The following CDIN1 variants were observed in gnomAD, a reference collection of about 807,000 sequenced individuals.
CDIN1 encodes CDAN1 interacting nuclease 1.
Under a neutral mutation model 45.3 loss-of-function variants are expected in CDIN1, and 33 were observed. The ratio of observed to expected loss-of-function variants is 0.73; its 90% CI spans 0.55 to 0.97. The LOEUF (loss-of-function observed/expected upper bound fraction) is 0.97. CDIN1 is among the 50% of genes least tolerant of loss of function. CDIN1 has a pLI of 0.00. For synonymous variants in CDIN1, 118 were observed against 124.4 expected (o/e 0.95, Z 0.34); for missense variants, 303 against 339.4 (o/e 0.89, Z 0.84).
At chr15:36,731,434 A>T (rs937888431) in intron 10 of CDIN1, among the ~76,000 whole-genome samples, 3 of 151,934 alleles carry the variant, frequency 2.0e-5, no homozygotes, top group Non-Finnish European at 2.9e-5. Context: ...CATATTTAAG[A>T]TTTTCAAAAA....
At chr15:36,757,411 G>T (rs1370560176) in intron 10 of CDIN1, among the ~76,000 whole-genome samples, 2 of 152,118 alleles carry the variant, frequency 1.3e-5, no homozygotes, top group African/African-American at 4.8e-5. Context: ...CTCTTTTCTC[G>T]CTTGCTATCA....
chr15:36,788,097 TATATATA>T (rs1566973764), intron 10 of CDIN1, among the ~76,000 whole-genome samples: 17 of 33,664 alleles, frequency 5.0e-4, no homozygotes, highest in African/African-American at 1.7e-3. Context: ...TATATATATA[TATATATA>T]TATTTTTTTT....
Position 36,709,919 on chromosome 15 carries a change from A to G in CDIN1, c.674A>G (p.His225Arg), listed in dbSNP as rs1310839339. Residue 225 changes from histidine to arginine, a missense_variant, in exon 10 of 11, where the codon CAC becomes CGC. Physicochemically the swap from His to Arg is conservative, Grantham distance 29 (BLOSUM62 0). Transcript: ENST00000566621. ...GCCTCATTTGGTGATGAATGTAGCC[A>G]CCACGCCTACCTGCATGACCAGTTC... ...SKASFGDECS[H>R]HAYLHDQFWS... 6.2e-7 allele frequency: 1 copy of G among 1,613,362 alleles called. No individual in the cohort carries two copies. Among genetic ancestry groups the G allele is most frequent in the Non-Finnish European group, 8.5e-7 (1 of 1,179,454 alleles).
intron 8 of CDIN1, chr15:36,702,062 C>T (rs916175640): frequency 1.4e-6 from 1 of 702,084 alleles, no homozygotes; most frequent in African/African-American, 1.7e-5. Flanking sequence ...AATACCAAGA[C>T]TGTGTGTACA....
intron 1 of CDIN1, chr15:36,618,047 A>G: frequency 1.3e-6 from 1 of 774,402 alleles, no homozygotes; most frequent in Non-Finnish European, 2.4e-6. Flanking sequence ...CTCGGTCTAT[A>G]GTATTATTCC....
Position 36,794,448 on chromosome 15 carries a change from A to G in CDIN1, c.717-13876A>G, listed in dbSNP as rs138283570. 3.7e-3 allele frequency among the ~76,000 whole-genome samples: 565 copies of G among 152,202 alleles called. 1 individual carries two copies. The highest frequency in any genetic ancestry group is 0.013 in the African/African-American group (537 of 41,542). On this transcript the variant is annotated intron_variant, in intron 10 of 10. Coordinates refer to ENST00000566621, the MANE Select transcript of CDIN1 (RefSeq NM_001321759.2). ...AACAAACCCATACTCATTAAACACTAATTTCTTCTTTCTCCTACCCTTGGC... is the reference window on the plus strand; with the variant it reads ...AACAAACCCATACTCATTAAACACTGATTTCTTCTTTCTCCTACCCTTGGC...
intron 10 of CDIN1, among the ~76,000 whole-genome samples, chr15:36,801,662 T>G (rs1163079592): frequency 6.6e-6 from 1 of 152,194 alleles, no homozygotes; most frequent in Non-Finnish European, 1.5e-5. Context: ...ATGTTTAGAT[T>G]CTGCCCCATA....
chr15:36,665,923 A>G (rs1264982645), intron 5 of CDIN1, among the ~76,000 whole-genome samples: 1 of 152,014 alleles, frequency 6.6e-6, no homozygotes, highest in Admixed American at 6.6e-5. Context: ...TTTTTAGTTT[A>G]TATTTCTCAT....
At chr15:36,676,253 G>C (rs1270097467) in intron 5 of CDIN1, among the ~76,000 whole-genome samples, 1 of 152,066 alleles carries the variant, frequency 6.6e-6, no homozygotes, top group Admixed American at 6.6e-5. Context: ...ATAAAGTTTA[G>C]GTTGTTCTTT....
intron 6 of CDIN1, 98 bp from the exon 7 acceptor site, chr15:36,692,028 G>GGGT: frequency 8.6e-7 from 1 of 1,159,148 alleles, no homozygotes; most frequent in Non-Finnish European, 1.2e-6. Context: ...GGGGGCGGGG[G>GGGT]TGGGGGAAGA....
At position 36,780,217 on chromosome 15, in the gene CDIN1, A is replaced by T. The variant is rs374421694; in HGVS notation, c.717-28107A>T. Among the ~76,000 whole-genome samples, 45 of 152,300 alleles carry T rather than the reference A, an allele frequency of 3.0e-4. No individual in the cohort carries two copies. In the South Asian group the frequency reaches 8.7e-3, roughly 29 times the overall value. On this transcript the variant is annotated intron_variant, in intron 10 of 10. Transcript: ENST00000566621. ...ATTTTTCAGTTCCTCATTCAGGAAA[A>T]GAGAATGGCAGTCTCAGAACTGGAA...
At chr15:36,634,311 C>T (rs929904095) in intron 1 of CDIN1, among the ~76,000 whole-genome samples, 2 of 118,502 alleles carry the variant, frequency 1.7e-5, no homozygotes, top group Admixed American at 1.9e-4. Context: ...ATGCCTGAAA[C>T]CCCAGCTATT....
intron 5 of CDIN1, among the ~76,000 whole-genome samples, chr15:36,685,680 C>T (rs1021924551): frequency 1.3e-5 from 2 of 152,044 alleles, no homozygotes; most frequent in Admixed American, 6.6e-5. Flanking sequence ...GGCTAATATC[C>T]AGAATCTACA....
chr15:36,629,556 G>T (rs2039592874), intron 1 of CDIN1, among the ~76,000 whole-genome samples: 1 of 152,084 alleles, frequency 6.6e-6, no homozygotes, highest in African/African-American at 2.4e-5. Flanking sequence ...GCTGAACATT[G>T]CTTGTTAGAG....
rs143029682 is a variant in CDIN1, at chr15:36,719,792, A to T, written c.716+9831A>T. ...TGAAAGATTTTTAACTATAAAATCG[A>T]TTTCTTAGTAGTTATAAGACATTCA... is the stretch of plus-strand genomic sequence containing the variant. On this transcript the variant is annotated intron_variant, in intron 10 of 10. Transcript: ENST00000566621. Among the ~76,000 whole-genome samples the T allele has an allele frequency of 3.9e-3, 598 of 152,208 alleles. 8 individuals are homozygous for T. The highest frequency in any genetic ancestry group is 0.014 in the African/African-American group (574 of 41,532).
intron 10 of CDIN1, among the ~76,000 whole-genome samples, chr15:36,744,646 G>A (rs934142574): frequency 7.9e-5 from 12 of 152,094 alleles, no homozygotes; most frequent in Non-Finnish European, 1.8e-4. Context: ...GATTAGGGAA[G>A]GTTTTTCCAA....
At chr15:36,770,361 A>G (rs1278908622) in intron 10 of CDIN1, among the ~76,000 whole-genome samples, 1 of 151,870 alleles carries the variant, frequency 6.6e-6, no homozygotes, top group East Asian at 1.9e-4. Context: ...GGAGGGAGGG[A>G]GAGAGAGAAA....
chr15:36,739,480 C>T (rs1029084131), intron 10 of CDIN1, among the ~76,000 whole-genome samples: 14 of 152,134 alleles, frequency 9.2e-5, no homozygotes, highest in East Asian at 1.9e-4. Flanking sequence ...CTCTCTCCCT[C>T]GCTTTGGTTT....
intron 5 of CDIN1, among the ~76,000 whole-genome samples, chr15:36,671,692 A>G (rs2041457697): frequency 6.6e-6 from 1 of 152,132 alleles, no homozygotes; most frequent in South Asian, 2.1e-4. Context: ...TGATCATGTG[A>G]TCAGCTAGGA....
Sources: gnomAD v4.1 joint callset for allele counts (sites outside exome capture counted in the v4.1 genomes callset) on GRCh38, gnomAD v4.1.1 for gene constraint, MANE v1.5 for transcripts, NCBI Gene and HGNC (gene_info 2026-07-23, HGNC 2026-07-21) for gene names.